UBR2: variants seen among roughly 807,000 people sequenced by gnomAD.
UBR2 encodes ubiquitin protein ligase E3 component n-recognin 2, also known as E3 ubiquitin-protein ligase UBR2.
Under a neutral mutation model 247.9 loss-of-function variants are expected in UBR2, and 92 were observed. That is an observed-to-expected ratio of 0.37 (90% CI 0.31 to 0.44). UBR2 has a LOEUF of 0.44. UBR2 is among the 20% of genes least tolerant of loss of function. The probability of loss-of-function intolerance (pLI) is 1.00; values close to 1 mark genes in which losing one functional copy is unlikely to be tolerated. For missense variants in UBR2, 1,613 were observed against 2,112.6 expected, an observed-to-expected ratio of 0.76 and a Z score of 4.64; for synonymous variants, 672 against 693.5, an observed-to-expected ratio of 0.97 and a Z score of 0.49.
At chr6:42,640,357 G>T in intron 16 of UBR2, 87 bp downstream of exon 16, 2 of 1,116,086 alleles carry the variant, frequency 1.8e-6, no homozygotes, top group Non-Finnish European at 1.3e-6. Flanking sequence ...TTTAGTTTGG[G>T]TTCTCCAGAG....
chr6:42,687,161 C>T (rs534520262), intron 44 of UBR2, among the ~76,000 whole-genome samples: 70 of 152,288 alleles, frequency 4.6e-4, no homozygotes, highest in Non-Finnish European at 4.3e-4. Flanking sequence ...TGTAGCGAGC[C>T]GAGATCGCGC....
At chr6:42,672,533 T>TTATCACATACCCA (rs1217807381) in intron 36 of UBR2, among the ~76,000 whole-genome samples, 1 of 152,158 alleles carries the variant, frequency 6.6e-6, no homozygotes, top group Non-Finnish European at 1.5e-5. Context: ...GTTCATATTC[T>TTATCACATACCCA]TCATACTTTT....
At chr6:42,685,975 C>G (rs892229641) in intron 44 of UBR2, among the ~76,000 whole-genome samples, 7 of 152,180 alleles carry the variant, frequency 4.6e-5, no homozygotes, top group Non-Finnish European at 8.8e-5. Context: ...TCTCCTCCCT[C>G]TGAAGATACC....
At chr6:42,649,902 C>T (rs1402472002) in intron 22 of UBR2, among the ~76,000 whole-genome samples, 2 of 152,076 alleles carry the variant, frequency 1.3e-5, no homozygotes, top group African/African-American at 4.8e-5. Flanking sequence ...CAATAGTGTA[C>T]CTGCTTTTTT....
chr6:42,622,526 C>T lies in UBR2; in HGVS notation c.1281+5019C>T, dbSNP rs145485109. Among the ~76,000 whole-genome samples, 1,215 of 151,462 alleles carry T rather than the reference C, an allele frequency of 8.0e-3. 13 individuals are homozygous for T. The highest frequency in any genetic ancestry group is 0.029 in the African/African-American group (1,179 of 41,244). On this transcript the variant is annotated intron_variant, in intron 11 of 46. Coordinates refer to ENST00000372901, the MANE Select transcript of UBR2 (RefSeq NM_001363705.2). ...AAGTGATTCTTCTGCCTCAGCCTCC[C>T]AAGTAGCTGGGATTACAGGTGCGTG...
At chr6:42,583,421 A>G (rs1470902898) in intron 2 of UBR2, among the ~76,000 whole-genome samples, 1 of 150,650 alleles carries the variant, frequency 6.6e-6, no homozygotes, top group Middle Eastern at 3.2e-3. Context: ...CTAATTTTCT[A>G]TTTTTAGTAG....
intron 14 of UBR2, 140 bp downstream of exon 14, chr6:42,635,686 C>G (rs1474745053): frequency 9.8e-7 from 1 of 1,017,244 alleles, no homozygotes; most frequent in Non-Finnish European, 1.4e-6. Flanking sequence ...CCTTCTCCAC[C>G]TATAAACTCA....
At chr6:42,664,078 G>C (rs1349465397) in intron 32 of UBR2, 1 of 152,148 alleles carries the variant, frequency 6.6e-6, no homozygotes, top group African/African-American at 2.4e-5. Context: ...GGCTCGCTTG[G>C]GTCAAGGCTG....
rs777010133 is a variant in UBR2 at position 42,617,337 on chromosome 6, T to C, written c.1183-72T>C. 9.3e-6 allele frequency: 15 copies of C among 1,613,914 alleles called. No homozygotes were observed. Among genetic ancestry groups the C allele is most frequent in the Middle Eastern group, 1.6e-4 (1 of 6,062 alleles). On this transcript the variant is annotated intron_variant, in intron 10 of 46. Transcript: ENST00000372901. Reference sequence around the variant, plus strand: ...GTCCAGTTCTTCACCGCACCTACTCTGGTGAGTAGTGCTTGCCTTTTCTTT... The same window carrying C: ...GTCCAGTTCTTCACCGCACCTACTCCGGTGAGTAGTGCTTGCCTTTTCTTT...
chr6:42,655,446 C>T lies in UBR2; in HGVS notation c.2770-175C>T, dbSNP rs184710254. ...TGAGCCTGGGTGACAGGGCAAAACT[C>T]CATCTCAAAAAAAAAAAAAAGAAAA... On this transcript the variant is annotated intron_variant, in intron 25 of 46. Transcript: ENST00000372901. Among the ~76,000 whole-genome samples, 674 of 148,664 alleles carry T rather than the reference C, an allele frequency of 4.5e-3. 1 individual carries two copies. Among genetic ancestry groups the T allele is most frequent in the Admixed American group, 7.6e-3 (114 of 15,026 alleles).
rs10058 is a variant in UBR2, at chr6:42,691,211, T to A, written c.*38T>A. ...CAAAAAACACAAACTTGGATTTTTT[T>A]AACCCAGTTGGCTTTTTAAGAAAGA... On this transcript the variant is annotated 3_prime_UTR_variant, in exon 47 of 47. Transcript: ENST00000372901. 0.11 allele frequency: 181,157 copies of A among 1,602,370 alleles called. 11,415 individuals are homozygous for A. Among genetic ancestry groups the A allele is most frequent in the African/African-American group, 0.23 (17,136 of 74,156 alleles).
intron 11 of UBR2, among the ~76,000 whole-genome samples, chr6:42,631,026 C>T (rs1218861588): frequency 1.3e-5 from 2 of 152,104 alleles, no homozygotes; most frequent in African/African-American, 4.8e-5. Context: ...AGGCTGGTCT[C>T]GAACTGGGCT....
At chr6:42,664,453 T>A (rs1207822850) in intron 32 of UBR2, among the ~76,000 whole-genome samples, 1 of 152,244 alleles carries the variant, frequency 6.6e-6, no homozygotes, top group Non-Finnish European at 1.5e-5. Context: ...AATTATGCTA[T>A]CTACGTTGCA....
chr6:42,564,046 T>G lies in UBR2; in HGVS notation c.-274T>G. The G allele has an allele frequency of 6.2e-6, 3 of 485,556 alleles. No homozygotes were observed. The highest frequency in any genetic ancestry group is 2.9e-5 in the South Asian group (1 of 35,016). 30.1% of individuals were successfully genotyped at this position (485,556 alleles called of 1,614,324 possible). A position where few individuals can be genotyped will look rare whatever the true frequency, so the allele number is the denominator to read the frequency against. The stretch of plus-strand genomic sequence containing the variant: ...AGGACGCGGTAGTGGCCAGCGAGAG[T>G]GTCAGGCCTGGGGTTTTCTGTGTCC... On this transcript the variant is annotated 5_prime_UTR_variant, in exon 1 of 47. Coordinates refer to ENST00000372901, the MANE Select transcript of UBR2 (RefSeq NM_001363705.2).
chr6:42,646,118 T>C (rs1796739503), intron 21 of UBR2, among the ~76,000 whole-genome samples: 1 of 152,220 alleles, frequency 6.6e-6, no homozygotes. Context: ...GCAACTGTTT[T>C]TCCTTCCAGG....
chr6:42,658,951 T>G, intron 29 of UBR2, 127 bp downstream of exon 29: 1 of 1,047,672 alleles, frequency 9.5e-7, no homozygotes, highest in Non-Finnish European at 1.3e-6. Context: ...TAGGTAAATT[T>G]TGTGACCTCC....
chr6:42,610,170 C>T (rs1451119941), intron 7 of UBR2, among the ~76,000 whole-genome samples: 3 of 152,042 alleles, frequency 2.0e-5, no homozygotes, highest in South Asian at 2.1e-4. Flanking sequence ...AGCAAGACTC[C>T]GTCTCTAAGG....
At chr6:42,622,417 T>TG (rs1282154923) in intron 11 of UBR2, among the ~76,000 whole-genome samples, 6 of 151,478 alleles carry the variant, frequency 4.0e-5, no homozygotes, top group Non-Finnish European at 5.9e-5. Flanking sequence ...TTTTTTTTTT[T>TG]TTGAGACAGA....
chr6:42,621,082 C>A (rs1288876075), intron 11 of UBR2, among the ~76,000 whole-genome samples: 3 of 152,100 alleles, frequency 2.0e-5, no homozygotes, highest in Non-Finnish European at 4.4e-5. Flanking sequence ...CCCGGCCGTA[C>A]TTTTTGTATA....
Sources: allele counts gnomAD v4.1 joint callset (sites outside exome capture counted in the v4.1 genomes callset), GRCh38; gene constraint gnomAD v4.1.1; transcripts MANE v1.5; gene names NCBI Gene and HGNC (gene_info 2026-07-23, HGNC 2026-07-21).